The following SGSH variants were observed in gnomAD, a reference collection of about 807,000 sequenced individuals.
SGSH encodes N-sulfoglucosamine sulfohydrolase.
SGSH carries 48 observed loss-of-function variants against 51.0 expected under a neutral mutation model. That is an observed-to-expected ratio of 0.94 (90% CI 0.75 to 1.20). The LOEUF (loss-of-function observed/expected upper bound fraction) is 1.20, where lower values mean the gene tolerates loss of function less well. Among genes scored for constraint, SGSH ranks in the 50% most tolerant of loss-of-function variants. SGSH has a pLI of 0.00. For missense variants in SGSH, 662 were observed against 717.8 expected, an observed-to-expected ratio of 0.92 and a Z score of 0.89; for synonymous variants, 321 against 313.4, an observed-to-expected ratio of 1.02 and a Z score of -0.26.
chr17:80,205,443 G>A (rs2041244378), downstream of SGSH: 17 of 1,515,510 alleles, frequency 1.1e-5, no homozygotes, highest in South Asian at 2.0e-4. Flanking sequence ...TGCTGGCAGG[G>A]TTCACGGGGA....
At chr17:80,205,671 TG>T, downstream of SGSH, 1 of 971,228 alleles carries the variant, frequency 1.0e-6, no homozygotes, top group Non-Finnish European at 1.5e-6. Flanking sequence ...AAGGGCGGGG[TG>T]GGCAGGGGAG....
At chr17:80,211,130 A>G in intron 7 of SGSH, 119 bp from the exon 8 acceptor site, 1 of 1,531,888 alleles carries the variant, frequency 6.5e-7, no homozygotes, top group South Asian at 1.2e-5. Context: ...CAGCAGCGGG[A>G]GGTGCCTTGT....
At chr17:80,205,291 C>G (rs1389187350), downstream of SGSH, 1 of 1,260,254 alleles carries the variant, frequency 7.9e-7, no homozygotes, top group Non-Finnish European at 1.1e-6. Flanking sequence ...CCCCTTCCTC[C>G]CTCCTCCTTC....
chr17:80,205,530 G>C (rs768494068), downstream of SGSH: 4 of 1,585,206 alleles, frequency 2.5e-6, no homozygotes, highest in Admixed American at 5.4e-5. Context: ...GTCACCTGTA[G>C]AGTACTTGAG....
intron 7 of SGSH, 180 bp from the exon 8 acceptor site, chr17:80,211,191 G>A (rs1269525046): frequency 6.8e-7 from 1 of 1,479,968 alleles, no homozygotes; most frequent in Non-Finnish European, 8.9e-7. Context: ...TCAGTGCCTT[G>A]AATGGTATAA....
chr17:80,203,574 G>A (rs867620734), downstream of SGSH: 16 of 458,424 alleles, frequency 3.5e-5, no homozygotes, highest in Middle Eastern at 1.1e-3. This position sits in a 1 kb window ranked among gnomAD's most constrained non-coding sequence, Gnocchi z 4.6. Context: ...CCTGGGTCCC[G>A]CCCCAGGACA....
intron 7 of SGSH, chr17:80,211,500 G>A (rs1378753686): frequency 7.4e-6 from 2 of 268,754 alleles, no homozygotes; most frequent in African/African-American, 2.2e-5. Context: ...GTCACCCCGA[G>A]CCCCTCACAA....
At chr17:80,205,582 T>A, downstream of SGSH, 1 of 1,576,216 alleles carries the variant, frequency 6.3e-7, no homozygotes, top group Non-Finnish European at 8.6e-7. Flanking sequence ...GGGGACATCA[T>A]CCAGGAGGGA....
downstream of SGSH, chr17:80,202,323 A>C (rs2041026658): frequency 1.2e-6 from 2 of 1,613,680 alleles, no homozygotes. Flanking sequence ...CGTCACCGAC[A>C]CCATGTTCCA....
intron 7 of SGSH, 111 bp downstream of exon 7, chr17:80,211,960 A>C: frequency 1.1e-6 from 1 of 869,810 alleles, no homozygotes; most frequent in Non-Finnish European, 1.9e-6. Flanking sequence ...CCTCACCCAG[A>C]TGATATGAGA....
At position 80,214,284 on chromosome 17, in the gene SGSH, C is replaced by T. The variant is rs1283321503; in HGVS notation, c.551G>A (p.Gly184Glu). The T allele has an allele frequency of 1.2e-6, 2 of 1,613,134 alleles. No individual in the cohort carries two copies. The highest frequency in any genetic ancestry group is 1.7e-5 in the Admixed American group (1 of 60,000). Residue 184 changes from glycine (G) to glutamate (E), a missense_variant, in exon 5 of 8, where the codon GGG becomes GAG. Coordinates refer to ENST00000326317, the MANE Select transcript of SGSH (RefSeq NM_000199.5). ...YVAFHDPHRC[G>E]HSQPQYGTFC... ...GGTTCCGTACTGGGGCTGGGAGTGCCCACAGCGGTGGGGGTCGTGGAAGGC... is the reference window on the plus strand; with the variant it reads ...GGTTCCGTACTGGGGCTGGGAGTGCTCACAGCGGTGGGGGTCGTGGAAGGC...
In SGSH at chr17:80,212,545, T is replaced by G; in HGVS notation, c.746-271A>C. On this transcript the variant is annotated intron_variant, in intron 6 of 7. Coordinates refer to ENST00000326317, the MANE Select transcript of SGSH (RefSeq NM_000199.5). This position sits in a 1 kb window ranked among gnomAD's most constrained non-coding sequence, Gnocchi z 5.9. The stretch of plus-strand genomic sequence containing the variant: ...TTCTGTGTCACCCCCAGGCAGCTGC[T>G]CCCTGGTGCCCGCCGGCTTTTGAGT... 1 of 527,418 alleles carries G rather than the reference T, an allele frequency of 1.9e-6. No homozygotes were observed. The highest frequency in any genetic ancestry group is 3.4e-6 in the Non-Finnish European group (1 of 289,934). The allele number at this position is 527,418 out of a possible 1,614,324, so 32.7% of individuals were successfully genotyped here.
chr17:80,203,758 C>T, downstream of SGSH: 1 of 1,344,912 alleles, frequency 7.4e-7, no homozygotes, highest in Non-Finnish European at 1.0e-6. This position sits in a 1 kb window ranked among gnomAD's most constrained non-coding sequence, Gnocchi z 4.6. Context: ...CCCTGCTCGG[C>T]TCTCCCCTGC....
At chr17:80,214,790 A>T (rs756462709) in intron 3 of SGSH, 25 bp from the exon 4 acceptor site, 5 of 1,607,140 alleles carry the variant, frequency 3.1e-6, no homozygotes, top group Non-Finnish European at 4.2e-6. Flanking sequence ...AGGCCTGGCC[A>T]GAGTCCCTTC....
downstream of SGSH, chr17:80,202,528 G>T (rs2041040824): frequency 6.6e-7 from 1 of 1,503,930 alleles, no homozygotes; most frequent in African/African-American, 1.4e-5. Context: ...GGTGGGCGTG[G>T]TGAGACCCCC....
the SGSH span, chr17:80,201,679 TTCTG>T: frequency 6.3e-7 from 1 of 1,595,510 alleles, no homozygotes; most frequent in African/African-American, 1.3e-5. This position sits in a 1 kb window ranked among gnomAD's most constrained non-coding sequence, Gnocchi z 5.0. Context: ...CCTCAGCGCC[TTCTG>T]TCTTCTGGCT....
chr17:80,207,865 A>C (rs369982015), downstream of SGSH, among the ~76,000 whole-genome samples: 894 of 143,556 alleles, frequency 6.2e-3, 5 homozygotes, highest in African/African-American at 0.022. Context: ...GGCTAAGGAC[A>C]AAAAAAAAAA....
intron 2 of SGSH, 46 bp from the exon 3 acceptor site, chr17:80,215,184 G>A: frequency 7.1e-7 from 1 of 1,402,840 alleles, no homozygotes; most frequent in Non-Finnish European, 9.9e-7. Flanking sequence ...GACAGCCAGA[G>A]CCCGCCTGCC....
chr17:80,219,161 CAAAA>C (rs11430982), intron 1 of SGSH, among the ~76,000 whole-genome samples: 44 of 54,244 alleles, frequency 8.1e-4, no homozygotes, highest in Non-Finnish European at 1.2e-3. Context: ...CCCTGTCTCA[CAAAA>C]AAAAAAAAAA....
Sources: gnomAD v4.1 joint callset for allele counts (sites outside exome capture counted in the v4.1 genomes callset) on GRCh38, gnomAD v4.1.1 for gene constraint, Gnocchi (gnomAD v3.1) non-coding constraint, MANE v1.5 for transcripts, NCBI Gene and HGNC (gene_info 2026-07-23, HGNC 2026-07-21) for gene names.